LPO: variants seen among roughly 807,000 people sequenced by gnomAD.
The protein encoded by LPO is salivary peroxidase.
Under a neutral mutation model 68.4 loss-of-function variants are expected in LPO, and 70 were observed. That is an observed-to-expected ratio of 1.02 (90% CI 0.84 to 1.25). The LOEUF (loss-of-function observed/expected upper bound fraction) is 1.25, where lower values mean the gene tolerates loss of function less well. LPO is among the 50% of genes most tolerant of loss of function. The probability of loss-of-function intolerance (pLI) is 0.00; values close to 1 mark genes in which losing one functional copy is unlikely to be tolerated. For missense variants in LPO, 873 were observed against 908.4 expected, an observed-to-expected ratio of 0.96 and a Z score of 0.50; for synonymous variants, 360 against 357.6, an observed-to-expected ratio of 1.01 and a Z score of -0.08.
chr17:58,265,948 C>G (rs902513496), intron 10 of LPO, among the ~76,000 whole-genome samples: 3 of 152,120 alleles, frequency 2.0e-5, no homozygotes, highest in Non-Finnish European at 4.4e-5. Context: ...TGCCCACCCC[C>G]AGAGCAGACA....
rs1970235228 is a variant in LPO at position 58,264,950 on chromosome 17, A to G, written c.1495A>G (p.Asn499Asp). 2 of 1,614,066 alleles carry G rather than the reference A, an allele frequency of 1.2e-6. No homozygotes were observed. Among genetic ancestry groups the G allele is most frequent in the Admixed American group, 3.3e-5 (2 of 60,002 alleles). The change falls in exon 10 of 13, where the codon AAC (asparagine) becomes GAC (aspartate). Residue 499 changes from asparagine to aspartate, a missense_variant. Asn to Asp is a conservative substitution (Grantham distance 23). Transcript: ENST00000262290. ...PELPLHTLFF[N>D]TWRMVKDGGI... ...ACTCCCCCTCCACACCCTCTTCTTC[A>G]ACACTTGGAGGATGGTCAAAGATGG... is the stretch of plus-strand genomic sequence containing the variant.
chr17:58,262,295 T>A (rs8178387), intron 9 of LPO, among the ~76,000 whole-genome samples: 1 of 152,184 alleles, frequency 6.6e-6, no homozygotes, highest in Non-Finnish European at 1.5e-5. Context: ...TCAGGGTTGG[T>A]AGTTCTTGTC....
At chr17:58,263,107 CTG>C (rs8178394) in intron 9 of LPO, among the ~76,000 whole-genome samples, 3,921 of 152,292 alleles carry the variant, frequency 0.026, 69 homozygotes, top group South Asian at 0.08. Flanking sequence ...CACTCCCACT[CTG>C]TTATTGAGTC....
At position 58,249,685 on chromosome 17, in the gene LPO, C is replaced by G; in HGVS notation, c.563C>G (p.Pro188Arg). Residue 188 changes from proline (P) to arginine (R), a missense_variant, in exon 6 of 13, where the codon CCT becomes CGT. By Grantham distance (103) the Pro-to-Arg change is moderately radical. Coordinates refer to ENST00000262290, the MANE Select transcript of LPO (RefSeq NM_006151.3). ...WTPGKTRNGF[P>R]LPLAREVSNK... Reference sequence around the variant, plus strand: ...CCGGGGAAGACGCGCAACGGCTTCCCTCTCCCGCTGGTGAGGGCAGGCCGG... The same window carrying G: ...CCGGGGAAGACGCGCAACGGCTTCCGTCTCCCGCTGGTGAGGGCAGGCCGG... 4 of 1,571,568 alleles carry G rather than the reference C, an allele frequency of 2.5e-6. No homozygotes were observed. The highest frequency in any genetic ancestry group is 3.4e-6 in the Non-Finnish European group (4 of 1,165,842).
At chr17:58,256,099 A>G (rs1356301691) in intron 9 of LPO, among the ~76,000 whole-genome samples, 1 of 152,186 alleles carries the variant, frequency 6.6e-6, no homozygotes, top group Non-Finnish European at 1.5e-5. Flanking sequence ...GGAATTATGC[A>G]ACATGTATCC....
In LPO at chr17:58,254,906, A is replaced by C. The variant is rs758467533; in HGVS notation, c.1201A>C (p.Asn401His). 44 of 1,613,954 alleles carry C rather than the reference A, an allele frequency of 2.7e-5. No individual in the cohort carries two copies. In the African/African-American group the frequency reaches 5.3e-4, roughly 20 times the overall value. The change falls in exon 9 of 13, where the codon AAC becomes CAC. Residue 401 changes from asparagine (N) to histidine (H), a missense_variant. Physicochemically the swap from Asn to His is moderately conservative, Grantham distance 68. Transcript: ENST00000262290. ...GCTGGCCAGAGAACTAAAGAGACTCAACCCTCAGTGGGATGGAGAGAAGCT... is the reference window on the plus strand; with the variant it reads ...GCTGGCCAGAGAACTAAAGAGACTCCACCCTCAGTGGGATGGAGAGAAGCT... Reference protein sequence around the residue: ...NRLARELKRLNPQWDGEKLYQ... With the variant: ...NRLARELKRLHPQWDGEKLYQ...
intron 11 of LPO, among the ~76,000 whole-genome samples, chr17:58,266,969 C>A (rs1970279426): frequency 1.3e-5 from 2 of 152,194 alleles, no homozygotes. Flanking sequence ...CTTTTGTCCC[C>A]ATGAAAGGCA....
rs1159112246 is a variant in LPO, at chr17:58,264,847, C to T, written c.1392C>T (p.Phe464=). ...PRISNVFTFA[F]RFGHLEVPSS... ...TTTCCAATGTCTTCACCTTCGCCTT[C>T]CGCTTTGGCCACTTGGAGGTCCCCT... is the stretch of plus-strand genomic sequence containing the variant. The change falls in exon 10 of 13, where the codon TTC becomes TTT. Residue 464 remains phenylalanine, a synonymous_variant. Transcript: ENST00000262290. 1 of 1,614,256 alleles carries T rather than the reference C, an allele frequency of 6.2e-7. No individual in the cohort carries two copies. The highest frequency in any genetic ancestry group is 1.7e-5 in the Admixed American group (1 of 60,036).
chr17:58,248,576 C>T (rs1160128732), intron 4 of LPO, among the ~76,000 whole-genome samples: 5 of 152,168 alleles, frequency 3.3e-5, no homozygotes, highest in Non-Finnish European at 7.4e-5. Flanking sequence ...ACAACCCTTG[C>T]CCCTCACTGA....
rs1035543454 is a variant in LPO at position 58,247,402 on chromosome 17, C to T, written c.165-76C>T. On this transcript the variant is annotated intron_variant, in intron 3 of 12. Transcript: ENST00000262290. ...TATGAGGCCATGTTGTACACACACC[C>T]CTCCCACCCCTCCAGCGGCCCCCAG... 8 of 1,361,240 alleles carry T rather than the reference C, an allele frequency of 5.9e-6. No individual in the cohort carries two copies. The Admixed American group carries it at 8.0e-5, about 14-fold the overall frequency. The allele number at this position is 1,361,240 out of a possible 1,614,324, so 84.3% of individuals were successfully genotyped here.
intron 5 of LPO, 84 bp downstream of exon 5, chr17:58,249,261 G>C: frequency 1.6e-6 from 2 of 1,268,806 alleles, no homozygotes; most frequent in Non-Finnish European, 2.2e-6. Context: ...GGGCACTCTA[G>C]GCAGATCTGC....
rs768958414 is a variant in LPO, at chr17:58,266,332, T to A, written c.1693+6T>A. On this transcript the variant is annotated splice_donor_region_variant and intron_variant, in intron 11 of 12. Coordinates refer to ENST00000262290, the MANE Select transcript of LPO (RefSeq NM_006151.3). Reference sequence around the variant, plus strand: ...CCGGGACCATGGGCAACCTGGTGAGTGTCTGAAGTCTGGCCTGCACTGGGG... The same window carrying A: ...CCGGGACCATGGGCAACCTGGTGAGAGTCTGAAGTCTGGCCTGCACTGGGG... The A allele has an allele frequency of 6.2e-7, 1 of 1,613,650 alleles. No individual in the cohort carries two copies. Among genetic ancestry groups the A allele is most frequent in the Non-Finnish European group, 8.5e-7 (1 of 1,179,932 alleles).
chr17:58,238,671 G>T lies in LPO; in HGVS notation c.-71G>T, dbSNP rs769089439. ...CCCAGAAGTGAATTCTTGCTGGAAG[G>T]TATAAAAGACCAGCTCCTCCAAGCA... On this transcript the variant is annotated 5_prime_UTR_variant, in exon 1 of 13. Coordinates refer to ENST00000262290, the MANE Select transcript of LPO (RefSeq NM_006151.3). 2 of 152,092 alleles carry T rather than the reference G, an allele frequency of 1.3e-5. No individual in the cohort carries two copies. The highest frequency in any genetic ancestry group is 4.8e-5 in the African/African-American group (2 of 41,398). The allele number at this position is 152,092 out of a possible 1,614,324, so 9.4% of individuals were successfully genotyped here.
chr17:58,258,783 A>T (rs990093575), intron 9 of LPO, among the ~76,000 whole-genome samples: 12 of 152,234 alleles, frequency 7.9e-5, no homozygotes, highest in African/African-American at 2.9e-4. Context: ...GGTGTGTAGT[A>T]ATAGCTCATT....
intron 2 of LPO, 96 bp downstream of exon 2, chr17:58,243,151 G>A (rs1029656845): frequency 4.8e-6 from 6 of 1,258,768 alleles, no homozygotes; most frequent in African/African-American, 4.4e-5. Context: ...CTCACAGTAC[G>A]GGAGGATAGA....
chr17:58,256,575 G>A (rs1026023715), intron 9 of LPO, among the ~76,000 whole-genome samples: 1 of 151,874 alleles, frequency 6.6e-6, no homozygotes, highest in Non-Finnish European at 1.5e-5. Context: ...CAGCACTTTG[G>A]GAGGCTGAGG....
chr17:58,265,773 CG>C (rs1026597480), intron 10 of LPO, among the ~76,000 whole-genome samples: 2 of 151,312 alleles, frequency 1.3e-5, no homozygotes, highest in African/African-American at 4.9e-5. Context: ...TTTTCAGAGG[CG>C]GGGTTTTGCC....
In LPO at chr17:58,252,259, TCCA is replaced by T. The variant is rs1317900329; in HGVS notation, c.861_863del (p.Pro288del). 1 of 1,613,994 alleles carries T rather than the reference TCCA, an allele frequency of 6.2e-7. No individual in the cohort carries two copies. Among genetic ancestry groups the T allele is most frequent in the Non-Finnish European group, 8.5e-7 (1 of 1,180,010 alleles). On this transcript the variant is annotated inframe_deletion, in exon 8 of 13. Transcript: ENST00000262290. ...TCCGAGCTGGGTTCGTCTGCCCCAC[TCCA>T]CCCTACAAGTCCCTGGCCCGAGAGC...
rs1265578425 is a variant in LPO, at chr17:58,267,462, AC to A, written c.1811del (p.Pro604LeufsTer8). 6 of 1,614,068 alleles carry A rather than the reference AC, an allele frequency of 3.7e-6. No individual in the cohort carries two copies. Among genetic ancestry groups the A allele is most frequent in the Non-Finnish European group, 5.1e-6 (6 of 1,180,026 alleles). On this transcript the variant is annotated frameshift_variant, in exon 12 of 13. Coordinates refer to ENST00000262290, the MANE Select transcript of LPO (RefSeq NM_006151.3). LOFTEE classifies it high-confidence loss of function. Reference sequence around the variant, plus strand: ...CAAGAAGTTACTGGGTCTCTACGGGACCCCTGACAACATCGACATCTGGATA... The same window carrying A: ...CAAGAAGTTACTGGGTCTCTACGGGACCCTGACAACATCGACATCTGGATA... ...LAKKLLGLYG[T>X]PDNIDIWIGA...
Sources: gnomAD v4.1 joint callset for allele counts (sites outside exome capture counted in the v4.1 genomes callset) on GRCh38, gnomAD v4.1.1 for gene constraint, MANE v1.5 for transcripts, NCBI Gene and HGNC (gene_info 2026-07-23, HGNC 2026-07-21) for gene names.